CARM1: variants seen among roughly 807,000 people sequenced by gnomAD.
CARM1 encodes the protein histone-arginine methyltransferase CARM1.
In CARM1, 14 loss-of-function variants were observed where a neutral mutation model predicts 72.7. The ratio of observed to expected loss-of-function variants is 0.19; its 90% CI spans 0.13 to 0.30. CARM1 has a LOEUF of 0.30. Among genes scored for constraint, CARM1 ranks in the 10% least tolerant of loss-of-function variants. The pLI is 1.00. For synonymous variants in CARM1, 333 were observed against 345.5 expected, an observed-to-expected ratio of 0.96 and a Z score of 0.40; for missense variants, 432 against 833.7, an observed-to-expected ratio of 0.52 and a Z score of 5.93.
chr19:10,901,707 C>T (rs531498606), intron 1 of CARM1, among the ~76,000 whole-genome samples: 7 of 152,258 alleles, frequency 4.6e-5, no homozygotes, highest in Admixed American at 1.3e-4. Context: ...TTTGAGATGC[C>T]GAGGCGGACA....
chr19:10,908,936 C>T (rs1196630316), intron 3 of CARM1, among the ~76,000 whole-genome samples, 167 bp from the exon 4 acceptor site: 1 of 152,200 alleles, frequency 6.6e-6, no homozygotes, highest in Non-Finnish European at 1.5e-5. Context: ...CCTCCGGCTT[C>T]CTGCTCCCTC....
At chr19:10,910,502 A>G (rs2074140379) in intron 4 of CARM1, among the ~76,000 whole-genome samples, 1 of 151,718 alleles carries the variant, frequency 6.6e-6, no homozygotes, top group Non-Finnish European at 1.5e-5. Flanking sequence ...GTAGAAATGT[A>G]TAATGTATTC....
At chr19:10,875,733 C>CT (rs1337077462) in intron 1 of CARM1, among the ~76,000 whole-genome samples, 3 of 151,002 alleles carry the variant, frequency 2.0e-5, no homozygotes, top group Non-Finnish European at 4.4e-5. Flanking sequence ...CCCAGCTGTT[C>CT]TTTTCTTATA....
At chr19:10,872,549 G>A (rs2073827727) in intron 1 of CARM1, among the ~76,000 whole-genome samples, 1 of 152,168 alleles carries the variant, frequency 6.6e-6, no homozygotes, top group Non-Finnish European at 1.5e-5. Flanking sequence ...GCTCCTCGTG[G>A]AAACGTGGAC....
rs115725277 is a variant in CARM1, at chr19:10,876,977, C to T, written c.220+5055C>T. On this transcript the variant is annotated intron_variant, in intron 1 of 15. Transcript: ENST00000327064. ...GAAGCTTACACAGCAGCATGGGCTC[C>T]GTCAGGGGCTAAACTTCAGTTTGTG... 1.1e-3 allele frequency among the ~76,000 whole-genome samples: 167 copies of T among 152,334 alleles called. 1 individual carries two copies. Among genetic ancestry groups the T allele is most frequent in the African/African-American group, 3.8e-3 (156 of 41,584 alleles).
rs1229015115 is a variant in CARM1, at chr19:10,871,637, G to GGCGGCGGCGGCGGCGGCAGCA, written c.-64_-63insGGCGGCGGCGGCGGCAGCAGC. ...CGGCGGCGGCGGCGGCGGCGGCGGC[G>GGCGGCGGCGGCGGCGGCAGCA]GCAGCGGCGGCGGCCTGGGCCCGGG... On this transcript the variant is annotated 5_prime_UTR_variant, in exon 1 of 16. Coordinates refer to ENST00000327064, the MANE Select transcript of CARM1 (RefSeq NM_199141.2). The surrounding 1 kb of genome is among the most constrained non-coding windows in gnomAD (Gnocchi z 5.6). 3.0e-5 allele frequency: 5 copies of GGCGGCGGCGGCGGCGGCAGCA among 164,150 alleles called. No homozygotes were observed. The highest frequency in any genetic ancestry group is 1.5e-4 in the African/African-American group (4 of 26,008). The allele number at this position is 164,150 out of a possible 1,614,324, so 10.2% of individuals were successfully genotyped here.
chr19:10,914,756 G>T (rs35991287), intron 6 of CARM1, among the ~76,000 whole-genome samples: 3 of 152,020 alleles, frequency 2.0e-5, no homozygotes, highest in Non-Finnish European at 2.9e-5. Context: ...GGGTTTCACC[G>T]TGTTGGTCAG....
At chr19:10,901,941 T>G (rs1465406379) in intron 1 of CARM1, among the ~76,000 whole-genome samples, 10 of 151,658 alleles carry the variant, frequency 6.6e-5, no homozygotes, top group African/African-American at 1.9e-4. Flanking sequence ...AGATCAAGAA[T>G]CTGTCTCAAG....
At chr19:10,919,274 T>TA in intron 8 of CARM1, 1 of 279,186 alleles carries the variant, frequency 3.6e-6, no homozygotes, top group Non-Finnish European at 6.7e-6. Flanking sequence ...CTGGTTTAAT[T>TA]AGATGGTTTC....
At chr19:10,904,503 G>A (rs1231437872) in intron 1 of CARM1, among the ~76,000 whole-genome samples, 1 of 152,240 alleles carries the variant, frequency 6.6e-6, no homozygotes, top group Non-Finnish European at 1.5e-5. Flanking sequence ...TGAGGGACAT[G>A]CCTGTGTCAC....
chr19:10,881,175 A>T (rs1226242919), intron 1 of CARM1, among the ~76,000 whole-genome samples: 1 of 152,122 alleles, frequency 6.6e-6, no homozygotes, highest in East Asian at 1.9e-4. Flanking sequence ...CTAAAAAAAA[A>T]TGCTTCTTGC....
intron 1 of CARM1, among the ~76,000 whole-genome samples, chr19:10,901,064 C>T (rs1326673947): frequency 2.6e-5 from 4 of 151,558 alleles, no homozygotes; most frequent in African/African-American, 9.7e-5. Flanking sequence ...TCACTGCAAC[C>T]TCCACCTCCC....
chr19:10,907,981 A>G (rs2074116955), intron 2 of CARM1, 58 bp from the exon 3 acceptor site: 5 of 1,040,114 alleles, frequency 4.8e-6, no homozygotes, highest in South Asian at 1.3e-5. Context: ...CTTCCCTCCC[A>G]GATGGCCACA....
chr19:10,900,816 TG>T (rs2074058109), intron 1 of CARM1, among the ~76,000 whole-genome samples: 1 of 152,172 alleles, frequency 6.6e-6, no homozygotes, highest in African/African-American at 2.4e-5. Flanking sequence ...CCCGAGTAGC[TG>T]GGACTACAGG....
At chr19:10,886,493 G>A (rs1258796538) in intron 1 of CARM1, among the ~76,000 whole-genome samples, 2 of 148,680 alleles carry the variant, frequency 1.3e-5, no homozygotes, top group African/African-American at 4.9e-5. Flanking sequence ...ACCATGCCCC[G>A]CCCCCTCCCT....
At chr19:10,899,956 A>G (rs1280068644) in intron 1 of CARM1, among the ~76,000 whole-genome samples, 1 of 152,006 alleles carries the variant, frequency 6.6e-6, no homozygotes, top group African/African-American at 2.4e-5. Flanking sequence ...CCTGGGTTCA[A>G]GTGATCCGCC....
In CARM1 at chr19:10,920,758, G is replaced by A. The variant is rs771976497; in HGVS notation, c.1424+10G>A. ...AAAACCCCTTCTTTAGGTAGGAGGGGCCCCTTGCCTGCACAGGGGGGCGCC... is the reference window on the plus strand; with the variant it reads ...AAAACCCCTTCTTTAGGTAGGAGGGACCCCTTGCCTGCACAGGGGGGCGCC... On this transcript the variant is annotated intron_variant, in intron 12 of 15. Coordinates refer to ENST00000327064, the MANE Select transcript of CARM1 (RefSeq NM_199141.2). This position sits in a 1 kb window ranked among gnomAD's most constrained non-coding sequence, Gnocchi z 5.3. 1.9e-6 allele frequency: 3 copies of A among 1,613,902 alleles called. No individual in the cohort carries two copies. The highest frequency in any genetic ancestry group is 2.7e-5 in the African/African-American group (2 of 74,910).
chr19:10,901,992 C>T (rs905560596), intron 1 of CARM1, among the ~76,000 whole-genome samples: 1 of 152,048 alleles, frequency 6.6e-6, no homozygotes, highest in African/African-American at 2.4e-5. Flanking sequence ...CTCTGTAATC[C>T]CAGCACTTTG....
At chr19:10,886,765 G>T (rs921275140) in intron 1 of CARM1, among the ~76,000 whole-genome samples, 7 of 152,048 alleles carry the variant, frequency 4.6e-5, no homozygotes, top group Non-Finnish European at 1.0e-4. Context: ...TGGGCAGCAG[G>T]AGTTGCAGCA....
Sources: allele counts gnomAD v4.1 joint callset (sites outside exome capture counted in the v4.1 genomes callset), GRCh38; gene constraint gnomAD v4.1.1; non-coding constraint Gnocchi (gnomAD v3.1); transcripts MANE v1.5; gene names NCBI Gene and HGNC (gene_info 2026-07-23, HGNC 2026-07-21).